The following ARHGAP5 variants were observed in gnomAD, a reference collection of about 807,000 sequenced individuals.
ARHGAP5 encodes the protein Rho GTPase activating protein 5, also known as rho GTPase-activating protein 5.
A neutral mutation model predicts 116.6 loss-of-function variants in ARHGAP5; 23 were observed. The observed-to-expected ratio is 0.20, with a 90% CI of 0.14 to 0.28. The LOEUF (loss-of-function observed/expected upper bound fraction) is 0.28. Ranked by LOEUF, ARHGAP5 falls within the 10% of genes least tolerant of loss-of-function variation. ARHGAP5 has a pLI of 1.00. For missense variants in ARHGAP5, 1,405 were observed against 1,774.8 expected, an observed-to-expected ratio of 0.79 and a Z score of 3.74; for synonymous variants, 574 against 602.0, an observed-to-expected ratio of 0.95 and a Z score of 0.68.
At chr14:32,097,484 G>A (rs1040498354) in intron 2 of ARHGAP5, among the ~76,000 whole-genome samples, 1 of 152,110 alleles carries the variant, frequency 6.6e-6, no homozygotes, top group African/African-American at 2.4e-5. Flanking sequence ...TCTTGAAAAC[G>A]TGTACACAGA....
intron 3 of ARHGAP5, among the ~76,000 whole-genome samples, chr14:32,119,904 G>A (rs1341018518): frequency 6.6e-6 from 1 of 151,982 alleles, no homozygotes; most frequent in East Asian, 1.9e-4. Context: ...AAGGATTTTT[G>A]CATCCTGAAG....
chr14:32,086,570 A>G (rs1013565313), intron 1 of ARHGAP5, among the ~76,000 whole-genome samples: 1 of 151,750 alleles, frequency 6.6e-6, no homozygotes, highest in Admixed American at 6.6e-5. Flanking sequence ...ATTTCCTGAC[A>G]TGGTATAATT....
chr14:32,105,740 A>G (rs1187416603), intron 2 of ARHGAP5, among the ~76,000 whole-genome samples: 3 of 152,124 alleles, frequency 2.0e-5, no homozygotes, highest in African/African-American at 7.2e-5. Context: ...CTAGCAAATT[A>G]ACTTGTTTTG....
intron 4 of ARHGAP5, among the ~76,000 whole-genome samples, chr14:32,148,188 A>G (rs532947042): frequency 5.1e-4 from 78 of 151,674 alleles, no homozygotes; most frequent in African/African-American, 1.9e-3. Flanking sequence ...CTATCTATCT[A>G]TCTATCTATC....
At position 32,093,462 on chromosome 14, in the gene ARHGAP5, T is replaced by G; in HGVS notation, c.2793T>G (p.Phe931Leu). 6.2e-7 allele frequency: 1 copy of G among 1,613,298 alleles called. No homozygotes were observed. The highest frequency in any genetic ancestry group is 1.1e-5 in the South Asian group (1 of 90,878). The change falls in exon 2 of 7, where the codon TTT (phenylalanine) becomes TTG (leucine). Residue 931 changes from phenylalanine (F) to leucine (L), a missense_variant. Coordinates refer to ENST00000345122, the MANE Select transcript of ARHGAP5 (RefSeq NM_001030055.2). ...AGTATCATCGGCAAACTGAGGTCTT[T>G]ACTCTGTTTTTTAGTGATGTTCTAG... Reference protein sequence around the residue: ...LSQYHRQTEVFTLFFSDVLEK... With the variant: ...LSQYHRQTEVLTLFFSDVLEK...
chr14:32,111,670 G>C (rs553896281), intron 2 of ARHGAP5, among the ~76,000 whole-genome samples: 2 of 152,188 alleles, frequency 1.3e-5, no homozygotes, highest in East Asian at 3.9e-4. Context: ...TGTATAATAA[G>C]AATGATATAG....
rs534216229 is a variant in ARHGAP5 at position 32,130,600 on chromosome 14, G to A, written c.3865+13313G>A. Among the ~76,000 whole-genome samples, 9 of 152,002 alleles carry A rather than the reference G, an allele frequency of 5.9e-5. No homozygotes were observed. In the South Asian group the frequency reaches 1.5e-3, roughly 25 times the overall value. On this transcript the variant is annotated intron_variant, in intron 3 of 6. Coordinates refer to ENST00000345122, the MANE Select transcript of ARHGAP5 (RefSeq NM_001030055.2). Reference sequence around the variant, plus strand: ...TTGTCGCCCAGTCTGGAGTGCAGTGGCGCGATCTCAGCTCACTGCAACCTC... The same window carrying A: ...TTGTCGCCCAGTCTGGAGTGCAGTGACGCGATCTCAGCTCACTGCAACCTC...
intron 1 of ARHGAP5, among the ~76,000 whole-genome samples, chr14:32,090,086 T>G (rs1215151533): frequency 3.9e-5 from 6 of 151,944 alleles, no homozygotes; most frequent in Admixed American, 2.0e-4. Context: ...AAAAGCAGGT[T>G]GTTTTGTATT....
chr14:32,108,562 T>A (rs1467386631), intron 2 of ARHGAP5, among the ~76,000 whole-genome samples: 2 of 152,038 alleles, frequency 1.3e-5, no homozygotes, highest in Non-Finnish European at 2.9e-5. Context: ...TTTTTCTGCT[T>A]CTCAATTAAA....
Position 32,157,102 on chromosome 14 carries a change from A to G in ARHGAP5, c.*2154A>G, listed in dbSNP as rs935759358. ...CCCCCAAACTTATCTCCACTTTTCT[A>G]TGCATTCTATCATTGATTTGACACA... On this transcript the variant is annotated 3_prime_UTR_variant, in exon 7 of 7. Coordinates refer to ENST00000345122, the MANE Select transcript of ARHGAP5 (RefSeq NM_001030055.2). 1.3e-5 allele frequency: 2 copies of G among 152,214 alleles called. No homozygotes were observed. Among genetic ancestry groups the G allele is most frequent in the African/African-American group, 4.8e-5 (2 of 41,394 alleles). The allele number at this position is 152,214 out of a possible 1,614,324, so 9.4% of individuals were successfully genotyped here. A position where few individuals can be genotyped will look rare whatever the true frequency, so the allele number is the denominator to read the frequency against.
At chr14:32,087,020 G>A (rs551141897) in intron 1 of ARHGAP5, among the ~76,000 whole-genome samples, 1 of 151,978 alleles carries the variant, frequency 6.6e-6, no homozygotes, top group African/African-American at 2.4e-5. Context: ...TAAACATGGT[G>A]CTAGATATCA....
At chr14:32,094,532 G>A in intron 2 of ARHGAP5, 146 bp downstream of exon 2, 1 of 562,752 alleles carries the variant, frequency 1.8e-6, no homozygotes, top group Non-Finnish European at 2.9e-6. Context: ...ATTCTGTGGG[G>A]ATAAGTGATT....
At chr14:32,131,601 T>C (rs1880501424) in intron 3 of ARHGAP5, among the ~76,000 whole-genome samples, 1 of 152,224 alleles carries the variant, frequency 6.6e-6, no homozygotes, top group African/African-American at 2.4e-5. Context: ...GTTATTATTA[T>C]ACTTCAAGTT....
At chr14:32,102,229 T>G (rs1439555066) in intron 2 of ARHGAP5, among the ~76,000 whole-genome samples, 1 of 152,270 alleles carries the variant, frequency 6.6e-6, no homozygotes. Flanking sequence ...GTCACCTTTG[T>G]ACAGGAAGTG....
chr14:32,084,330 G>T (rs913407250), intron 1 of ARHGAP5, among the ~76,000 whole-genome samples: 9 of 152,112 alleles, frequency 5.9e-5, no homozygotes, highest in Non-Finnish European at 1.3e-4. Context: ...TAGACTTACT[G>T]TTTATATACC....
rs1466384553 is a variant in ARHGAP5, at chr14:32,157,449, A to G, written c.*2501A>G. ...GGCATTATATTTTACAATACTGAAT[A>G]AAATTTCATCTACACACATGTTGCC... On this transcript the variant is annotated 3_prime_UTR_variant, in exon 7 of 7. Coordinates refer to ENST00000345122, the MANE Select transcript of ARHGAP5 (RefSeq NM_001030055.2). 2.0e-5 allele frequency: 3 copies of G among 151,900 alleles called. No homozygotes were observed. The highest frequency in any genetic ancestry group is 4.4e-5 in the Non-Finnish European group (3 of 67,594). 9.4% of individuals were successfully genotyped at this position (151,900 alleles called of 1,614,324 possible). A position where few individuals can be genotyped will look rare whatever the true frequency, so the allele number is the denominator to read the frequency against.
At chr14:32,140,568 C>T (rs544314807) in intron 3 of ARHGAP5, among the ~76,000 whole-genome samples, 10 of 151,928 alleles carry the variant, frequency 6.6e-5, no homozygotes, top group East Asian at 5.8e-4. Flanking sequence ...CCAGCCTGGG[C>T]GACAGAGTGA....
intron 2 of ARHGAP5, among the ~76,000 whole-genome samples, chr14:32,114,737 A>G (rs181203780): frequency 4.6e-5 from 7 of 152,190 alleles, no homozygotes; most frequent in Non-Finnish European, 1.0e-4. Context: ...AATTGAAAGG[A>G]TTTAATTAAG....
At position 32,159,071 on chromosome 14, in the gene ARHGAP5, CT is replaced by C. The variant is rs879433969; in HGVS notation, c.*4127del. On this transcript the variant is annotated 3_prime_UTR_variant, in exon 7 of 7. Transcript: ENST00000345122. The stretch of plus-strand genomic sequence containing the variant: ...CTTAATTAAATTGTGTGAAATTAGT[CT>C]TTTGTGGAAATTCTGTAGGCAGTAT... 2 of 151,984 alleles carry C rather than the reference CT, an allele frequency of 1.3e-5. No individual in the cohort carries two copies. The highest frequency in any genetic ancestry group is 4.8e-5 in the African/African-American group (2 of 41,400). The allele number at this position is 151,984 out of a possible 1,614,324, so 9.4% of individuals were successfully genotyped here.
Sources: allele counts gnomAD v4.1 joint callset (sites outside exome capture counted in the v4.1 genomes callset), GRCh38; gene constraint gnomAD v4.1.1; transcripts MANE v1.5; gene names NCBI Gene and HGNC (gene_info 2026-07-23, HGNC 2026-07-21).